The following HHAT variants were observed in gnomAD, a reference collection of about 807,000 sequenced individuals.
The protein encoded by HHAT is protein-cysteine N-palmitoyltransferase HHAT.
In HHAT, 47 loss-of-function variants were observed where a neutral mutation model predicts 70.8. That is an observed-to-expected ratio of 0.66 (90% CI 0.53 to 0.85). The LOEUF (loss-of-function observed/expected upper bound fraction) is 0.85. HHAT is among the 40% of genes least tolerant of loss of function. HHAT has a pLI of 0.00. For missense variants in HHAT, 609 were observed against 604.8 expected (o/e 1.01, Z -0.07); for synonymous variants, 228 against 247.6 (o/e 0.92, Z 0.74).
intron 8 of HHAT, among the ~76,000 whole-genome samples, chr1:210,499,807 A>G (rs1019742283): frequency 8.5e-5 from 13 of 152,134 alleles, no homozygotes; most frequent in Non-Finnish European, 1.9e-4. Flanking sequence ...TTGTTTTAAA[A>G]CCCTGAAACT....
At chr1:210,378,234 G>T (rs767693066) in intron 3 of HHAT, among the ~76,000 whole-genome samples, 5 of 152,160 alleles carry the variant, frequency 3.3e-5, no homozygotes, top group Non-Finnish European at 7.3e-5. Context: ...CTTTGAATGT[G>T]CAGGGAAACA....
chr1:210,584,688 G>A (rs1026192965), intron 9 of HHAT, among the ~76,000 whole-genome samples: 12 of 152,156 alleles, frequency 7.9e-5, no homozygotes, highest in African/African-American at 2.9e-4. Flanking sequence ...TCTTGGCCTT[G>A]TCAGAATGAG....
chr1:210,633,248 C>G (rs1426516960), intron 11 of HHAT, among the ~76,000 whole-genome samples: 1 of 152,212 alleles, frequency 6.6e-6, no homozygotes, highest in Non-Finnish European at 1.5e-5. Flanking sequence ...AGCTGGAGGG[C>G]CAGAAACGCC....
intron 7 of HHAT, among the ~76,000 whole-genome samples, chr1:210,440,667 T>C (rs932202288): frequency 2.6e-5 from 4 of 151,822 alleles, no homozygotes; most frequent in African/African-American, 9.7e-5. Flanking sequence ...TTGGCTTCAG[T>C]GGTTGCTTCT....
intron 11 of HHAT, among the ~76,000 whole-genome samples, chr1:210,673,853 T>A (rs1273606203): frequency 1.3e-5 from 2 of 151,434 alleles, no homozygotes; most frequent in African/African-American, 4.8e-5. Context: ...CAGGCTGGTC[T>A]CCAACTCTTG....
chr1:210,353,360 T>C (rs2087245544), intron 2 of HHAT, among the ~76,000 whole-genome samples: 1 of 151,974 alleles, frequency 6.6e-6, no homozygotes, highest in African/African-American at 2.4e-5. Context: ...GCCATGTCAA[T>C]TTAATGCAAT....
intron 7 of HHAT, among the ~76,000 whole-genome samples, chr1:210,453,584 C>T (rs2148404543): frequency 6.6e-6 from 1 of 152,158 alleles, no homozygotes; most frequent in Non-Finnish European, 1.5e-5. Context: ...TTTGTTCATT[C>T]TTAACTAACT....
chr1:210,347,078 T>G (rs1366678521), intron 1 of HHAT, among the ~76,000 whole-genome samples: 1 of 152,202 alleles, frequency 6.6e-6, no homozygotes, highest in East Asian at 1.9e-4. Context: ...ATATAATACA[T>G]TATTGTTAAC....
chr1:210,604,200 C>T (rs1339062698), intron 10 of HHAT, among the ~76,000 whole-genome samples: 8 of 151,904 alleles, frequency 5.3e-5, no homozygotes, highest in Admixed American at 5.2e-4. Flanking sequence ...CTGCTTCAGC[C>T]TCTCGAGTAG....
intron 7 of HHAT, among the ~76,000 whole-genome samples, chr1:210,457,140 C>A (rs1342727225): frequency 3.9e-5 from 6 of 152,138 alleles, no homozygotes; most frequent in Non-Finnish European, 1.5e-5. Context: ...GGTTGACCAC[C>A]TCAGGACATT....
At chr1:210,385,082 T>C (rs2090937108) in intron 3 of HHAT, among the ~76,000 whole-genome samples, 1 of 152,194 alleles carries the variant, frequency 6.6e-6, no homozygotes, top group Non-Finnish European at 1.5e-5. Context: ...AGTCCTGGAC[T>C]TTCTGGTGGA....
chr1:210,494,904 A>G (rs1303161205), intron 8 of HHAT, among the ~76,000 whole-genome samples: 2 of 152,148 alleles, frequency 1.3e-5, no homozygotes, highest in Admixed American at 6.5e-5. Flanking sequence ...AAGGAGATGT[A>G]TGGCTCTGGA....
intron 2 of HHAT, among the ~76,000 whole-genome samples, chr1:210,352,691 A>G (rs1019708544): frequency 5.3e-5 from 8 of 152,232 alleles, no homozygotes; most frequent in African/African-American, 1.9e-4. Flanking sequence ...TAACAGCCTT[A>G]GTCAAATGGA....
At chr1:210,541,298 G>A (rs537184990) in intron 9 of HHAT, among the ~76,000 whole-genome samples, 3 of 152,170 alleles carry the variant, frequency 2.0e-5, no homozygotes, top group East Asian at 3.8e-4. Context: ...CACTTGACCA[G>A]CATTGTGTCC....
chr1:210,576,182 A>C (rs1331223843), intron 9 of HHAT, among the ~76,000 whole-genome samples: 1 of 152,128 alleles, frequency 6.6e-6, no homozygotes, highest in Non-Finnish European at 1.5e-5. Flanking sequence ...AGTAAAGAAC[A>C]TCCCTGAGAA....
chr1:210,596,388 T>C (rs1272020205), intron 10 of HHAT, among the ~76,000 whole-genome samples: 1 of 152,198 alleles, frequency 6.6e-6, no homozygotes, highest in Non-Finnish European at 1.5e-5. Flanking sequence ...TTCTCTGATA[T>C]TATCTCTTTG....
At chr1:210,383,384 A>G (rs892080121) in intron 3 of HHAT, among the ~76,000 whole-genome samples, 6 of 152,286 alleles carry the variant, frequency 3.9e-5, no homozygotes, top group Middle Eastern at 3.4e-3. Flanking sequence ...AAAAAACCCA[A>G]AACTTATTTA....
chr1:210,374,128 T>C (rs143368899), intron 3 of HHAT: 2 of 152,208 alleles, frequency 1.3e-5, no homozygotes, highest in Non-Finnish European at 2.9e-5. Context: ...GTTTTCCTCT[T>C]TAAGTCTTTT....
chr1:210,518,305 T>C (rs1159181324), intron 9 of HHAT, among the ~76,000 whole-genome samples: 1 of 152,200 alleles, frequency 6.6e-6, no homozygotes, highest in African/African-American at 2.4e-5. Context: ...TGAATTTTTT[T>C]AAGCTTCCAC....
Sources: allele counts gnomAD v4.1 joint callset (sites outside exome capture counted in the v4.1 genomes callset), GRCh38; gene constraint gnomAD v4.1.1; transcripts MANE v1.5; gene names NCBI Gene and HGNC (gene_info 2026-07-23, HGNC 2026-07-21).